MYH15: variants seen among roughly 807,000 people sequenced by gnomAD.
MYH15 encodes the protein myosin-15.
In MYH15, 227 loss-of-function variants were observed where a neutral mutation model predicts 240.5. The ratio of observed to expected loss-of-function variants is 0.94; its 90% CI spans 0.85 to 1.05. The LOEUF is 1.05. Among genes scored for constraint, MYH15 ranks in the 50% least tolerant of loss-of-function variants. The pLI, the probability that MYH15 is intolerant of heterozygous loss-of-function variation, is 0.00. For missense variants in MYH15, 2,217 were observed against 2,247.5 expected (o/e 0.99, Z 0.27); for synonymous variants, 785 against 796.7 (o/e 0.99, Z 0.25).
At chr3:108,531,799 A>AATAAATAAATAAATAT (rs1553690580), upstream of MYH15, among the ~76,000 whole-genome samples, 7 of 134,158 alleles carry the variant, frequency 5.2e-5, no homozygotes, top group South Asian at 1.4e-3. Context: ...TAAATAAATA[A>AATAAATAAATAAATAT]ATAAATACAT....
chr3:108,475,544 A>G (rs182153232), intron 12 of MYH15, among the ~76,000 whole-genome samples: 4 of 152,316 alleles, frequency 2.6e-5, no homozygotes, highest in African/African-American at 9.6e-5. Context: ...CTTTCTCTGC[A>G]AATGATCTTT....
At chr3:108,498,949 A>G (rs2083414937) in intron 5 of MYH15, among the ~76,000 whole-genome samples, 1 of 152,216 alleles carries the variant, frequency 6.6e-6, no homozygotes, top group Non-Finnish European at 1.5e-5. Flanking sequence ...CACATACAAT[A>G]AGATATCACT....
At chr3:108,515,349 A>C (rs1304590300), upstream of MYH15, among the ~76,000 whole-genome samples, 1 of 152,180 alleles carries the variant, frequency 6.6e-6, no homozygotes, top group Non-Finnish European at 1.5e-5. Flanking sequence ...ATCCATAGAG[A>C]GGGAGTCACA....
In MYH15 at chr3:108,476,469, C is replaced by T. The variant is rs1242665312; in HGVS notation, c.1161G>A (p.Leu387=). ...TTCTAGGATGGATCAAGCACTTTAC[C>T]AACTCAGAGGAGTTAATGCCCATGA... ...AFLMGINSSE[L]VKCLIHPRIK... The change falls in exon 12 of 41, where the codon TTG becomes TTA. Residue 387 remains leucine (L), a synonymous_variant. Coordinates refer to ENST00000693548, the MANE Select transcript of MYH15 (RefSeq NM_014981.3). The T allele has an allele frequency of 1.2e-6, 2 of 1,613,306 alleles. No homozygotes were observed. Among genetic ancestry groups the T allele is most frequent in the South Asian group, 2.2e-5 (2 of 91,036 alleles).
chr3:108,533,137 T>TTTC (rs57336631), upstream of MYH15, among the ~76,000 whole-genome samples: 3 of 132,746 alleles, frequency 2.3e-5, no homozygotes, highest in African/African-American at 2.8e-5. Flanking sequence ...TTTTTTTTTT[T>TTTC]CATGAGTATT....
At chr3:108,448,675 G>T (rs2082948738) in intron 21 of MYH15, among the ~76,000 whole-genome samples, 1 of 151,994 alleles carries the variant, frequency 6.6e-6, no homozygotes, top group African/African-American at 2.4e-5. Flanking sequence ...CAAGCCCACA[G>T]CTAACATCAT....
At chr3:108,484,945 G>A in intron 11 of MYH15, 146 bp downstream of exon 11, 1 of 801,256 alleles carries the variant, frequency 1.2e-6, no homozygotes. Flanking sequence ...AATGGTAGTT[G>A]ACAGAACCGT....
At chr3:108,465,246 C>A (rs138862212) in intron 14 of MYH15, among the ~76,000 whole-genome samples, 2 of 152,186 alleles carry the variant, frequency 1.3e-5, no homozygotes, top group Admixed American at 6.5e-5. Flanking sequence ...ATGAGAACAA[C>A]AAGCTGAGAA....
chr3:108,453,472 T>C (rs2082991775), intron 21 of MYH15, among the ~76,000 whole-genome samples: 1 of 152,218 alleles, frequency 6.6e-6, no homozygotes, highest in Non-Finnish European at 1.5e-5. Flanking sequence ...CTTTTCATGA[T>C]TCTATTAAAC....
intron 27 of MYH15, among the ~76,000 whole-genome samples, chr3:108,426,386 C>T (rs1417453159): frequency 6.6e-6 from 1 of 152,050 alleles, no homozygotes; most frequent in Non-Finnish European, 1.5e-5. Flanking sequence ...TTGATGGAAA[C>T]GTGATTTCAA....
intron 9 of MYH15, among the ~76,000 whole-genome samples, chr3:108,488,871 TA>T (rs1280087494): frequency 6.6e-6 from 1 of 152,228 alleles, no homozygotes; most frequent in African/African-American, 2.4e-5. Flanking sequence ...CCATTTTTCA[TA>T]ATGACTGTAG....
chr3:108,417,794 T>TACACAC (rs1050480076), intron 28 of MYH15, among the ~76,000 whole-genome samples: 3 of 93,272 alleles, frequency 3.2e-5, no homozygotes, highest in Non-Finnish European at 7.3e-5. Context: ...TGTATATATA[T>TACACAC]ATACACACAC....
intron 1 of MYH15, among the ~76,000 whole-genome samples, chr3:108,522,913 G>A (rs959377): frequency 0.28 from 42,685 of 151,866 alleles, 6,837 homozygotes; most frequent in Non-Finnish European, 0.37. Context: ...CATCTTCCAC[G>A]CAGATTTGCT....
intron 7 of MYH15, among the ~76,000 whole-genome samples, chr3:108,493,432 G>A (rs2083368789): frequency 6.6e-6 from 1 of 152,228 alleles, no homozygotes; most frequent in Non-Finnish European, 1.5e-5. Context: ...GTTCTGGCTT[G>A]TAGCCCCAAA....
chr3:108,464,406 T>C (rs2083096302), intron 15 of MYH15, among the ~76,000 whole-genome samples: 1 of 152,170 alleles, frequency 6.6e-6, no homozygotes, highest in Non-Finnish European at 1.5e-5. Context: ...TTGCTTTGAG[T>C]TGAGGTTGAC....
the MYH15 span, among the ~76,000 whole-genome samples, chr3:108,542,189 G>C: frequency 6.6e-6 from 1 of 151,876 alleles, no homozygotes; most frequent in Non-Finnish European, 1.5e-5. Flanking sequence ...TGAGTCCCCT[G>C]GCACCCCTAT....
In MYH15 at chr3:108,398,682, T is replaced by C; in HGVS notation, c.5088A>G (p.Glu1696=). The change falls in exon 35 of 41, where the codon GAA becomes GAG. Residue 1696 remains glutamate, a synonymous_variant. Transcript: ENST00000693548. ...QTERGRRLSE[E]ELLEATERIN... Reference sequence around the variant, plus strand: ...TTCTTTCTGTTGCTTCCAGGAGCTCTTCTTCTGACAGCCTGCGGCCACGCT... The same window carrying C: ...TTCTTTCTGTTGCTTCCAGGAGCTCCTCTTCTGACAGCCTGCGGCCACGCT... 6.2e-7 allele frequency: 1 copy of C among 1,613,896 alleles called. No homozygotes were observed. Among genetic ancestry groups the C allele is most frequent in the Non-Finnish European group, 8.5e-7 (1 of 1,180,002 alleles).
chr3:108,399,138 GCT>G lies in MYH15; in HGVS notation c.4864_4865del (p.Ser1622LeufsTer29). ...CTTCTGACACCTGCCGGTTGGCACA[GCT>G]AAGCTGGAGTTCCATCTCATTGAGG... The part of the protein sequence containing the change: ...EDLNEMELQL[S>X]CANRQVSEAT... On this transcript the variant is annotated frameshift_variant, in exon 34 of 41. Transcript: ENST00000693548. LOFTEE classifies it high-confidence loss of function. 1 of 1,614,216 alleles carries G rather than the reference GCT, an allele frequency of 6.2e-7. No homozygotes were observed. The highest frequency in any genetic ancestry group is 1.7e-5 in the Admixed American group (1 of 60,024).
intron 33 of MYH15, among the ~76,000 whole-genome samples, chr3:108,401,184 G>A (rs139921197): frequency 2.3e-3 from 352 of 152,240 alleles, no homozygotes; most frequent in African/African-American, 7.6e-3. Context: ...CGTTCTTGCC[G>A]TAACCCCCAA....
Sources: gnomAD v4.1 joint callset for allele counts (sites outside exome capture counted in the v4.1 genomes callset) on GRCh38, gnomAD v4.1.1 for gene constraint, MANE v1.5 for transcripts, NCBI Gene and HGNC (gene_info 2026-07-23, HGNC 2026-07-21) for gene names.